The following PSMC3IP variants were observed in gnomAD, a reference collection of about 807,000 sequenced individuals.
PSMC3IP encodes homologous-pairing protein 2 homolog.
In PSMC3IP, 26 loss-of-function variants were observed where a neutral mutation model predicts 34.9. That is an observed-to-expected ratio of 0.74 (90% confidence interval 0.55 to 1.03). The LOEUF (loss-of-function observed/expected upper bound fraction) is 1.03, where lower values mean the gene tolerates loss of function less well. Ranked by LOEUF, PSMC3IP falls within the 50% of genes least tolerant of loss-of-function variation. The probability of loss-of-function intolerance (pLI) is 0.00; values close to 1 mark genes in which losing one functional copy is unlikely to be tolerated. For missense variants in PSMC3IP, 250 were observed against 263.1 expected, an observed-to-expected ratio of 0.95 and a Z score of 0.34; for synonymous variants, 87 against 96.5, an observed-to-expected ratio of 0.90 and a Z score of 0.57.
At chr17:42,577,735 G>A (rs755263284), upstream of PSMC3IP, 12 of 1,610,610 alleles carry the variant, frequency 7.5e-6, no homozygotes, top group African/African-American at 1.3e-5. Context: ...TAGTTGCTCG[G>A]GGCGACGGCT....
At position 42,573,582 on chromosome 17, in the gene PSMC3IP, G is replaced by C. The variant is rs2093052199; in HGVS notation, c.379C>G (p.Gln127Glu). 1.7e-5 allele frequency: 27 copies of C among 1,613,924 alleles called. No homozygotes were observed. The highest frequency in any genetic ancestry group is 2.3e-5 in the Non-Finnish European group (27 of 1,179,968). ...TTCTTTAACTCCTGGATTTCTTTCT[G>C]CATCTCTGGTGTGGTCAGGGCACTA... ...LSSALTTPEMQKEIQELKKEC... is the reference protein window; with the variant it reads ...LSSALTTPEMEKEIQELKKEC... Residue 127 changes from glutamine (Q) to glutamate (E), a missense_variant, in exon 5 of 8, where the codon CAG (glutamine) becomes GAG (glutamate). Physicochemically the swap from Gln to Glu is conservative, Grantham distance 29. Coordinates refer to ENST00000393795, the MANE Select transcript of PSMC3IP (RefSeq NM_016556.4).
rs771910791 is a variant in PSMC3IP, at chr17:42,573,007, C to T, written c.615G>A (p.Glu205=). 6.2e-7 allele frequency: 1 copy of T among 1,614,246 alleles called. No homozygotes were observed. The highest frequency in any genetic ancestry group is 1.3e-5 in the African/African-American group (1 of 75,064). ...KKQFFEEVGI[E]TDEDYNVTLP... ...GTGTGACGTTGTAATCTTCATCCGT[C>T]TCTATCCCAACTTCCTCCTGTGAGA... The change falls in exon 8 of 8, where the codon GAG becomes GAA. Residue 205 remains glutamate (E), a synonymous_variant. Coordinates refer to ENST00000393795, the MANE Select transcript of PSMC3IP (RefSeq NM_016556.4).
intron 2 of PSMC3IP, 45 bp downstream of exon 2, chr17:42,577,416 T>C (rs1476364525): frequency 8.7e-6 from 14 of 1,611,322 alleles, no homozygotes; most frequent in Non-Finnish European, 1.1e-5. Context: ...CCAGCCTGAA[T>C]CCAGGGAGTC....
chr17:42,572,328 T>C lies in PSMC3IP; in HGVS notation c.*640A>G, dbSNP rs763943242. On this transcript the variant is annotated 3_prime_UTR_variant, in exon 8 of 8. Transcript: ENST00000393795. Reference sequence around the variant, plus strand: ...ACAGCACTACATATTGGAAATTTTTTATTTTTCTAAATACCAATGCAGTTT... The same window carrying C: ...ACAGCACTACATATTGGAAATTTTTCATTTTTCTAAATACCAATGCAGTTT... 6 of 454,172 alleles carry C rather than the reference T, an allele frequency of 1.3e-5. No individual in the cohort carries two copies. The highest frequency in any genetic ancestry group is 1.4e-4 in the East Asian group (2 of 14,528). 28.1% of individuals were successfully genotyped at this position (454,172 alleles called of 1,614,324 possible).
rs1408544693 is a variant in PSMC3IP, at chr17:42,572,471, G to T, written c.*497C>A. 3 of 454,396 alleles carry T rather than the reference G, an allele frequency of 6.6e-6. No individual in the cohort carries two copies. The highest frequency in any genetic ancestry group is 1.3e-5 in the Non-Finnish European group (3 of 226,778). 28.1% of individuals were successfully genotyped at this position (454,396 alleles called of 1,614,324 possible). A position where few individuals can be genotyped will look rare whatever the true frequency, so the allele number is the denominator to read the frequency against. On this transcript the variant is annotated 3_prime_UTR_variant, in exon 8 of 8. Transcript: ENST00000393795. ...TGCATTTCTCCCAGGACTTGGGGGT[G>T]GGGTGAAAAGCGTACAAAAGATACT...
intron 4 of PSMC3IP, 139 bp downstream of exon 4, chr17:42,573,960 T>G (rs1181135967): frequency 6.5e-7 from 1 of 1,538,938 alleles, no homozygotes; most frequent in Admixed American, 2.0e-5. Context: ...CTACATTTCT[T>G]TTTATGCCTA....
rs894199349 is a variant in PSMC3IP, at chr17:42,577,719, A to G, written c.-33T>C. 4 of 1,613,298 alleles carry G rather than the reference A, an allele frequency of 2.5e-6. No individual in the cohort carries two copies. The highest frequency in any genetic ancestry group is 2.2e-5 in the East Asian group (1 of 44,890). On this transcript the variant is annotated 5_prime_UTR_variant, in exon 1 of 8. Coordinates refer to ENST00000393795, the MANE Select transcript of PSMC3IP (RefSeq NM_016556.4). ...CCCGCCACCCAACTCAGAAAGCCGGACGTTGTAGTTGCTCGGGGCGACGGC... is the reference window on the plus strand; with the variant it reads ...CCCGCCACCCAACTCAGAAAGCCGGGCGTTGTAGTTGCTCGGGGCGACGGC...
chr17:42,573,923 G>T (rs955288471), intron 4 of PSMC3IP, 176 bp downstream of exon 4: 1 of 1,533,018 alleles, frequency 6.5e-7, no homozygotes, highest in African/African-American at 1.4e-5. Flanking sequence ...TTGTCCATTT[G>T]TTGGTACACA....
intron 4 of PSMC3IP, 154 bp from the exon 5 acceptor site, chr17:42,573,777 TTTCC>T: frequency 6.7e-7 from 1 of 1,502,036 alleles, no homozygotes; most frequent in Non-Finnish European, 8.9e-7. Flanking sequence ...TCTAATTTTC[TTTCC>T]TCCTCCATCT....
intron 3 of PSMC3IP, among the ~76,000 whole-genome samples, chr17:42,575,349 T>C (rs2093068889): frequency 1.3e-5 from 2 of 152,216 alleles, no homozygotes; most frequent in Non-Finnish European, 2.9e-5. Flanking sequence ...TTCATTTACA[T>C]AGTCTACAGC....
At chr17:42,577,012 C>T in intron 3 of PSMC3IP, 1 of 1,290,974 alleles carries the variant, frequency 7.7e-7, no homozygotes, top group East Asian at 2.7e-5. Context: ...ACAGAATCTT[C>T]TGTCATCCAT....
At chr17:42,577,775 G>A (rs769475068), upstream of PSMC3IP, 1 of 1,502,634 alleles carries the variant, frequency 6.7e-7, no homozygotes, top group South Asian at 1.1e-5. Context: ...GGCCTCGAAC[G>A]GTGATTGGCT....
chr17:42,576,392 T>G (rs2093075867), intron 3 of PSMC3IP, among the ~76,000 whole-genome samples: 1 of 152,152 alleles, frequency 6.6e-6, no homozygotes, highest in South Asian at 2.1e-4. Context: ...ACTGCAATGT[T>G]TAAGAGTTTA....
rs1410284482 is a variant in PSMC3IP at position 42,574,094 on chromosome 17, C to G, written c.337+5G>C. 1 of 1,613,984 alleles carries G rather than the reference C, an allele frequency of 6.2e-7. No individual in the cohort carries two copies. Among genetic ancestry groups the G allele is most frequent in the African/African-American group, 1.3e-5 (1 of 74,928 alleles). ...GGGCACTTTGGAGGGGCTACCCAGT[C>G]CTACCAGCCTCCATGTAGCGGCAGC... On this transcript the variant is annotated splice_donor_5th_base_variant and intron_variant, in intron 4 of 7. Transcript: ENST00000393795.
intron 3 of PSMC3IP, 107 bp downstream of exon 3, chr17:42,577,106 C>T: frequency 6.4e-7 from 1 of 1,573,878 alleles, no homozygotes; most frequent in Non-Finnish European, 8.6e-7. Context: ...TGGCCTAAGA[C>T]AGGTGAGTTT....
At chr17:42,577,402 G>A in intron 2 of PSMC3IP, 59 bp downstream of exon 2, 1 of 1,609,378 alleles carries the variant, frequency 6.2e-7, no homozygotes, top group Admixed American at 1.7e-5. Context: ...CAAAGGGCAC[G>A]ACCCCAGCCT....
At chr17:42,575,400 G>T (rs1004419169) in intron 3 of PSMC3IP, among the ~76,000 whole-genome samples, 13 of 152,336 alleles carry the variant, frequency 8.5e-5, no homozygotes, top group Middle Eastern at 3.4e-3. Flanking sequence ...AGTTGTGGCA[G>T]TTGTACAGCC....
intron 3 of PSMC3IP, among the ~76,000 whole-genome samples, chr17:42,574,831 G>A (rs928468792): frequency 6.8e-6 from 1 of 147,614 alleles, no homozygotes; most frequent in Admixed American, 7.0e-5. Context: ...TTGGCTGACT[G>A]CAACCTCCGC....
At chr17:42,576,280 T>A (rs1597726465) in intron 3 of PSMC3IP, among the ~76,000 whole-genome samples, 1 of 152,172 alleles carries the variant, frequency 6.6e-6, no homozygotes, top group African/African-American at 2.4e-5. Context: ...GGCTGGGGCG[T>A]CTTCCGGTGC....
Sources: allele counts gnomAD v4.1 joint callset (sites outside exome capture counted in the v4.1 genomes callset), GRCh38; gene constraint gnomAD v4.1.1; transcripts MANE v1.5; gene names NCBI Gene and HGNC (gene_info 2026-07-23, HGNC 2026-07-21).